Variants in ERBIN observed in about 807,000 individuals in gnomAD.
The protein encoded by ERBIN is densin-180-like protein.
ERBIN carries 60 observed loss-of-function variants against 158.4 expected under a neutral mutation model. The ratio of observed to expected loss-of-function variants is 0.38; its 90% CI spans 0.31 to 0.47. The LOEUF is 0.47. Among genes scored for constraint, ERBIN ranks in the 20% least tolerant of loss-of-function variants. The pLI, the probability that ERBIN is intolerant of heterozygous loss-of-function variation, is 0.99. For missense variants in ERBIN, 1,610 were observed against 1,648.0 expected (o/e 0.98, Z 0.40); for synonymous variants, 594 against 557.2 (o/e 1.07, Z -0.93).
At chr5:66,008,376 G>A (rs1481026413) in intron 4 of ERBIN, among the ~76,000 whole-genome samples, 2 of 152,166 alleles carry the variant, frequency 1.3e-5, no homozygotes, top group African/African-American at 2.4e-5. Context: ...CTGAGATCGC[G>A]CCACTGCACT....
In ERBIN at chr5:66,025,483, C is replaced by T. The variant is rs3213837; in HGVS notation, c.821C>T (p.Ser274Leu). Residue 274 changes from serine to leucine, a missense_variant, in exon 11 of 26, where the codon TCG becomes TTG. Coordinates refer to ENST00000284037, the MANE Select transcript of ERBIN (RefSeq NM_001253697.2). ...SLQQLPETIG[S>L]LKNITTLKID... ...ATGTTGTTTCTTCCCTCATTAGGTT[C>T]GTTGAAGAATATAACAACGCTTAAA... is the stretch of plus-strand genomic sequence containing the variant. 0.15 allele frequency: 241,899 copies of T among 1,602,994 alleles called. 19,931 individuals are homozygous for T. Among genetic ancestry groups the T allele is most frequent in the South Asian group, 0.24 (21,324 of 90,676 alleles).
At chr5:66,001,790 TTTTTA>T (rs553802092) in intron 4 of ERBIN, among the ~76,000 whole-genome samples, 99 of 152,278 alleles carry the variant, frequency 6.5e-4, no homozygotes, top group Admixed American at 1.6e-3. Context: ...GTATGTATGC[TTTTTA>T]TTTTATTTTA....
Position 66,076,823 on chromosome 5 carries a change from C to T in ERBIN, c.4057-52C>T, listed in dbSNP as rs901538172. ...GGAGGAAAAATTGCTCCTTGGTACT[C>T]TGTTATTTATACATACTGTTTTTAG... On this transcript the variant is annotated intron_variant, in intron 24 of 25. Transcript: ENST00000284037. 2.1e-5 allele frequency: 29 copies of T among 1,355,850 alleles called. No individual in the cohort carries two copies. In the Admixed American group the frequency reaches 2.4e-4, roughly 11 times the overall value. 84.0% of individuals were successfully genotyped at this position (1,355,850 alleles called of 1,614,324 possible). A position where few individuals can be genotyped will look rare whatever the true frequency, so the allele number is the denominator to read the frequency against.
intron 1 of ERBIN, among the ~76,000 whole-genome samples, chr5:65,984,453 C>T (rs1193526697): frequency 1.3e-5 from 2 of 152,182 alleles, no homozygotes; most frequent in Non-Finnish European, 2.9e-5. Context: ...AGATGCCACT[C>T]CCAAATCCCC....
intron 21 of ERBIN, among the ~76,000 whole-genome samples, chr5:66,066,794 C>G (rs1307349222): frequency 6.6e-6 from 1 of 152,214 alleles, no homozygotes; most frequent in East Asian, 1.9e-4. Context: ...TAATGAACAA[C>G]ATTGCCCAGG....
At chr5:66,061,608 C>T in intron 21 of ERBIN, among the ~76,000 whole-genome samples, 1 of 152,176 alleles carries the variant, frequency 6.6e-6, no homozygotes, top group East Asian at 1.9e-4. Flanking sequence ...GGTTATTTTG[C>T]TCATTAGTTG....
Position 66,080,877 on chromosome 5 carries a change from C to T in ERBIN, c.*2347C>T, listed in dbSNP as rs566110558. ...AGTATTCTTGCAACACATAAAGTTG[C>T]GTAAGAAACTTTACCAAGAGGAGTA... is the stretch of plus-strand genomic sequence containing the variant. On this transcript the variant is annotated 3_prime_UTR_variant, in exon 26 of 26. Transcript: ENST00000284037. 2.0e-5 allele frequency: 3 copies of T among 151,842 alleles called. No individual in the cohort carries two copies. Among genetic ancestry groups the T allele is most frequent in the Non-Finnish European group, 4.4e-5 (3 of 67,800 alleles). 9.4% of individuals were successfully genotyped at this position (151,842 alleles called of 1,614,324 possible).
At chr5:65,970,647 G>A (rs767126004) in intron 1 of ERBIN, among the ~76,000 whole-genome samples, 1 of 152,114 alleles carries the variant, frequency 6.6e-6, no homozygotes, top group Non-Finnish European at 1.5e-5. Context: ...GAGTGCAGTC[G>A]TGAATCATAG....
chr5:66,070,886 TATG>T (rs1229741853), intron 21 of ERBIN, among the ~76,000 whole-genome samples: 1 of 152,212 alleles, frequency 6.6e-6, no homozygotes, highest in Non-Finnish European at 1.5e-5. Flanking sequence ...AATTTTTCAA[TATG>T]ATGATGTAGT....
At chr5:66,049,420 C>G (rs1758799114) in intron 19 of ERBIN, among the ~76,000 whole-genome samples, 1 of 152,040 alleles carries the variant, frequency 6.6e-6, no homozygotes, top group South Asian at 2.1e-4. Flanking sequence ...CCTTGGATAG[C>G]TTGGGTTCAT....
Position 66,028,323 on chromosome 5 carries a change from A to C in ERBIN, c.1186A>C (p.Met396Leu), listed in dbSNP as rs199814799. Reference protein sequence around the residue: ...SFTKLQQLTAMWLSDNQSKPL... With the variant: ...SFTKLQQLTALWLSDNQSKPL... ...TACAAAGCTACAGCAATTGACAGCT[A>C]TGTGGCTCTCAGATAATCAGGTGGG... Residue 396 changes from methionine (M) to leucine (L), a missense_variant, in exon 14 of 26, where the codon ATG (methionine) becomes CTG (leucine). Met to Leu is a conservative substitution (Grantham distance 15, BLOSUM62 2). This residue lies in a region of ERBIN where 596 missense variants were observed against 711.9 expected (regional missense o/e 0.84). Coordinates refer to ENST00000284037, the MANE Select transcript of ERBIN (RefSeq NM_001253697.2). The C allele has an allele frequency of 6.2e-7, 1 of 1,612,630 alleles. No homozygotes were observed. Among genetic ancestry groups the C allele is most frequent in the Non-Finnish European group, 8.5e-7 (1 of 1,179,118 alleles).
In ERBIN at chr5:66,063,527, G is replaced by T. The variant is rs1292232195; in HGVS notation, c.3633+8576G>T. ...CCTCACCCTGCTTCGGCTCAGGCAT[G>T]GTGTGCTGCACCCACTGTTCTGCAC... On this transcript the variant is annotated intron_variant, in intron 21 of 25. Coordinates refer to ENST00000284037, the MANE Select transcript of ERBIN (RefSeq NM_001253697.2). Among the ~76,000 whole-genome samples the T allele has an allele frequency of 2.6e-5, 4 of 152,072 alleles. No individual in the cohort carries two copies. In the South Asian group the frequency reaches 8.3e-4, roughly 32 times the overall value.
At position 66,075,077 on chromosome 5, in the gene ERBIN, T is replaced by C. The variant is rs753423784; in HGVS notation, c.3810T>C (p.Tyr1270=). 6.8e-6 allele frequency: 11 copies of C among 1,614,056 alleles called. No individual in the cohort carries two copies. The highest frequency in any genetic ancestry group is 9.3e-6 in the Non-Finnish European group (11 of 1,180,032). The part of the protein sequence containing the change: ...MGQPLRPQAN[Y]SQIHHPPQAS... ...AGCCTCTCAGGCCTCAGGCAAATTA[T>C]AGTCAAATACATCACCCCCCTCAGG... is the stretch of plus-strand genomic sequence containing the variant. The change falls in exon 23 of 26, where the codon TAT becomes TAC. Residue 1270 remains tyrosine (Y), a synonymous_variant. Coordinates refer to ENST00000284037, the MANE Select transcript of ERBIN (RefSeq NM_001253697.2).
At chr5:66,045,450 T>C (rs1343363295) in intron 17 of ERBIN, among the ~76,000 whole-genome samples, 2 of 146,170 alleles carry the variant, frequency 1.4e-5, no homozygotes, top group Admixed American at 6.7e-5. Context: ...TATATGTATG[T>C]ATATACATAT....
intron 21 of ERBIN, among the ~76,000 whole-genome samples, chr5:66,068,487 A>G (rs1450127068): frequency 1.3e-5 from 2 of 152,184 alleles, no homozygotes; most frequent in African/African-American, 2.4e-5. Flanking sequence ...GGTAAAATTT[A>G]TCTTTATATA....
chr5:65,975,781 G>A (rs1023268891), intron 1 of ERBIN, among the ~76,000 whole-genome samples: 3 of 152,230 alleles, frequency 2.0e-5, no homozygotes, highest in African/African-American at 4.8e-5. Flanking sequence ...GTTGGTAGCT[G>A]TAGAGAGAGA....
intron 1 of ERBIN, among the ~76,000 whole-genome samples, chr5:65,930,480 T>G (rs1462527654): frequency 1.3e-5 from 2 of 152,180 alleles, no homozygotes; most frequent in Non-Finnish European, 2.9e-5. Flanking sequence ...GCTAATTTTT[T>G]TGTATTTTTA....
At chr5:66,077,834 A>G (rs1762154097) in intron 25 of ERBIN, among the ~76,000 whole-genome samples, 1 of 151,522 alleles carries the variant, frequency 6.6e-6, no homozygotes, top group South Asian at 2.1e-4. Flanking sequence ...ATACAGTTAT[A>G]CACATTTATT....
chr5:66,016,678 A>G (rs1047613744), intron 7 of ERBIN, among the ~76,000 whole-genome samples: 14 of 146,018 alleles, frequency 9.6e-5, no homozygotes, highest in African/African-American at 3.6e-4. Context: ...CAGTGGCATG[A>G]TCTCGGTTCA....
Sources: allele counts gnomAD v4.1 joint callset (sites outside exome capture counted in the v4.1 genomes callset), GRCh38; gene constraint gnomAD v4.1.1; regional missense constraint gnomAD v4.1.1; transcripts MANE v1.5; gene names NCBI Gene and HGNC (gene_info 2026-07-23, HGNC 2026-07-21).